The following RASGRF1 variants were observed in gnomAD, a reference collection of about 807,000 sequenced individuals.
RASGRF1 encodes the protein Ras protein specific guanine nucleotide releasing factor 1.
RASGRF1 carries 40 observed loss-of-function variants against 138.7 expected under a neutral mutation model. The observed-to-expected ratio is 0.29, with a 90% confidence interval of 0.22 to 0.38. RASGRF1 has a LOEUF of 0.38. RASGRF1 is among the 10% of genes least tolerant of loss of function. The pLI is 1.00. For synonymous variants in RASGRF1, 614 were observed against 663.2 expected, an observed-to-expected ratio of 0.93 and a Z score of 1.14; for missense variants, 1,108 against 1,650.4, an observed-to-expected ratio of 0.67 and a Z score of 5.69.
In RASGRF1 at chr15:78,973,191, G is replaced by T; in HGVS notation, c.3612+112C>A. 1.2e-6 allele frequency: 1 copy of T among 812,776 alleles called. No homozygotes were observed. 50.3% of individuals were successfully genotyped at this position (812,776 alleles called of 1,614,324 possible). On this transcript the variant is annotated intron_variant, in intron 25 of 26. Coordinates refer to ENST00000558480, the MANE Select transcript of RASGRF1 (RefSeq NM_001145648.3). The surrounding 1 kb of genome is among the most constrained non-coding windows in gnomAD (Gnocchi z 4.9). Reference sequence around the variant, plus strand: ...AAGCTGGACCCAGGCTCCCAAATGGGGGCACCCTATGCAGCAGGTTGGGCC... The same window carrying T: ...AAGCTGGACCCAGGCTCCCAAATGGTGGCACCCTATGCAGCAGGTTGGGCC...
intron 26 of RASGRF1, among the ~76,000 whole-genome samples, chr15:78,971,550 G>C (rs1166371868): frequency 6.6e-6 from 1 of 152,182 alleles, no homozygotes; most frequent in Non-Finnish European, 1.5e-5. Context: ...TATATCTGTG[G>C]ATTTTGTAAC....
rs886876008 is a variant in RASGRF1 at position 79,032,658 on chromosome 15, G to A, written c.959-342C>T. On this transcript the variant is annotated intron_variant, in intron 6 of 26. Coordinates refer to ENST00000558480, the MANE Select transcript of RASGRF1 (RefSeq NM_001145648.3). This position sits in a 1 kb window ranked among gnomAD's most constrained non-coding sequence, Gnocchi z 4.5. ...CCAGCTGCCAGGAGTGCTGGTGGCC[G>A]ATGGCTGTCAGCTGGGTCCCTCTCC... Among the ~76,000 whole-genome samples the A allele has an allele frequency of 2.6e-5, 4 of 152,184 alleles. No homozygotes were observed. Among genetic ancestry groups the A allele is most frequent in the Admixed American group, 6.5e-5 (1 of 15,286 alleles).
At chr15:79,030,961 C>G (rs1023869400) in intron 8 of RASGRF1, among the ~76,000 whole-genome samples, 1 of 152,214 alleles carries the variant, frequency 6.6e-6, no homozygotes, top group Non-Finnish European at 1.5e-5. Flanking sequence ...ATTGGACAAG[C>G]CATGTGCTTA....
At chr15:78,979,783 G>A (rs561933747) in intron 24 of RASGRF1, among the ~76,000 whole-genome samples, 1 of 152,258 alleles carries the variant, frequency 6.6e-6, no homozygotes, top group Non-Finnish European at 1.5e-5. Context: ...ATGTGGCCTT[G>A]GACCGTCCAC....
intron 19 of RASGRF1, among the ~76,000 whole-genome samples, chr15:78,997,644 G>T (rs1372051807): frequency 6.7e-6 from 1 of 148,246 alleles, no homozygotes; most frequent in East Asian, 2.0e-4. Context: ...GCTGAGGCAG[G>T]AGAATCTCTT....
intron 1 of RASGRF1, among the ~76,000 whole-genome samples, chr15:79,086,863 C>A (rs1262576215): frequency 2.0e-5 from 3 of 152,190 alleles, no homozygotes; most frequent in African/African-American, 7.2e-5. Context: ...CACCAAGGGC[C>A]AGCCTCTAGG....
chr15:79,015,561 G>C (rs778470826), intron 12 of RASGRF1, 152 bp from the exon 13 acceptor site: 3 of 679,994 alleles, frequency 4.4e-6, no homozygotes, highest in African/African-American at 1.8e-5. Flanking sequence ...CAGGGTCAGC[G>C]TGGCGCATCC....
chr15:79,082,252 T>G (rs866234974), intron 1 of RASGRF1, among the ~76,000 whole-genome samples: 3 of 152,230 alleles, frequency 2.0e-5, no homozygotes, highest in East Asian at 1.9e-4. Flanking sequence ...ACAGTAAGTC[T>G]GTACTTCTGC....
At chr15:79,020,242 A>G (rs2056941592) in intron 10 of RASGRF1, 138 bp from the exon 11 acceptor site, 12 of 767,256 alleles carry the variant, frequency 1.6e-5, no homozygotes, top group Non-Finnish European at 2.5e-5. Flanking sequence ...GATATATTAT[A>G]TGCCAAGTGG....
intron 5 of RASGRF1, among the ~76,000 whole-genome samples, chr15:79,035,811 T>C (rs1307900722): frequency 6.6e-6 from 1 of 152,046 alleles, no homozygotes; most frequent in Non-Finnish European, 1.5e-5. Flanking sequence ...ACAATTCGAG[T>C]GCCCAGTGCA....
intron 16 of RASGRF1, among the ~76,000 whole-genome samples, chr15:79,000,176 C>G (rs1384431365): frequency 1.3e-5 from 2 of 152,184 alleles, no homozygotes; most frequent in African/African-American, 4.8e-5. Context: ...CTCCAGTCAC[C>G]CCGTCCATCT....
chr15:79,029,835 T>C (rs1235652822), intron 8 of RASGRF1, among the ~76,000 whole-genome samples: 1 of 152,098 alleles, frequency 6.6e-6, no homozygotes, highest in Non-Finnish European at 1.5e-5. Flanking sequence ...GAGTAGGCCA[T>C]ACACCTAGGA....
At chr15:78,965,212 A>C (rs1426642783) in intron 26 of RASGRF1, among the ~76,000 whole-genome samples, 2 of 152,212 alleles carry the variant, frequency 1.3e-5, no homozygotes, top group Non-Finnish European at 2.9e-5. Flanking sequence ...ACTTAAAAAA[A>C]GGTACATACA....
At chr15:79,002,713 A>G (rs1245420207) in intron 15 of RASGRF1, among the ~76,000 whole-genome samples, 1 of 152,162 alleles carries the variant, frequency 6.6e-6, no homozygotes, top group African/African-American at 2.4e-5. Flanking sequence ...TTCCTTGGTG[A>G]CTGACTTTCA....
chr15:78,996,635 C>T (rs1306294764), intron 19 of RASGRF1, among the ~76,000 whole-genome samples: 1 of 152,198 alleles, frequency 6.6e-6, no homozygotes, highest in Non-Finnish European at 1.5e-5. Context: ...AGGGAACAGG[C>T]TCCCCTCCGA....
intron 13 of RASGRF1, among the ~76,000 whole-genome samples, chr15:79,013,268 G>GA (rs1376886197): frequency 6.6e-6 from 1 of 152,224 alleles, no homozygotes; most frequent in African/African-American, 2.4e-5. Flanking sequence ...TAGGGCTGGG[G>GA]ACCAGGGCTG....
intron 1 of RASGRF1, among the ~76,000 whole-genome samples, chr15:79,067,960 A>G (rs1300273506): frequency 6.6e-6 from 1 of 152,010 alleles, no homozygotes; most frequent in African/African-American, 2.4e-5. Context: ...GGTGAAAGGG[A>G]CTCAGTGAGA....
chr15:79,074,962 C>T (rs920788077), intron 1 of RASGRF1, among the ~76,000 whole-genome samples: 96 of 152,308 alleles, frequency 6.3e-4, no homozygotes, highest in African/African-American at 2.2e-3. Context: ...GAGAAATACT[C>T]GCAGAATCAA....
chr15:79,073,480 A>AC lies in RASGRF1; in HGVS notation c.277-8955dup, dbSNP rs951271993. On this transcript the variant is annotated intron_variant, in intron 1 of 26. Transcript: ENST00000558480. This position sits in a 1 kb window ranked among gnomAD's most constrained non-coding sequence, Gnocchi z 4.2. The stretch of plus-strand genomic sequence containing the variant: ...CAGTATCATCCGAAGCTATAAGGAG[A>AC]CCACCTGGAGTCGGGGTTGTGAGAG... Among the ~76,000 whole-genome samples, 22 of 152,214 alleles carry AC rather than the reference A, an allele frequency of 1.4e-4. No individual in the cohort carries two copies. Among genetic ancestry groups the AC allele is most frequent in the Middle Eastern group, 3.4e-3 (1 of 294 alleles).
Sources: allele counts gnomAD v4.1 joint callset (sites outside exome capture counted in the v4.1 genomes callset), GRCh38; gene constraint gnomAD v4.1.1; non-coding constraint Gnocchi (gnomAD v3.1); transcripts MANE v1.5; gene names NCBI Gene and HGNC (gene_info 2026-07-23, HGNC 2026-07-21).